The following RGS9 variants were observed in gnomAD, a reference collection of about 807,000 sequenced individuals.
The protein encoded by RGS9 is regulator of G-protein signalling 9.
RGS9 carries 78 observed loss-of-function variants against 102.0 expected under a neutral mutation model. The observed-to-expected ratio is 0.76, with a 90% CI of 0.64 to 0.92. The LOEUF (loss-of-function observed/expected upper bound fraction) is 0.92. Among genes scored for constraint, RGS9 ranks in the 40% least tolerant of loss-of-function variants. The probability of loss-of-function intolerance (pLI) is 0.00; values close to 1 mark genes in which losing one functional copy is unlikely to be tolerated. For missense variants in RGS9, 833 were observed against 866.1 expected (o/e 0.96, Z 0.48); for synonymous variants, 353 against 318.6 (o/e 1.11, Z -1.15).
At chr17:65,189,247 A>G in intron 9 of RGS9, 39 bp from the exon 10 acceptor site, 1 of 1,586,648 alleles carries the variant, frequency 6.3e-7, no homozygotes, top group Non-Finnish European at 8.7e-7. Context: ...TAATGATTTC[A>G]TGACATCTGC....
intron 11 of RGS9, among the ~76,000 whole-genome samples, chr17:65,193,135 G>A (rs1396714051): frequency 6.6e-6 from 1 of 151,110 alleles, no homozygotes; most frequent in African/African-American, 2.4e-5. Context: ...GCCTGGCCTG[G>A]TGGTGCGCGT....
chr17:65,157,730 G>T (rs1910819358), intron 2 of RGS9, among the ~76,000 whole-genome samples: 1 of 152,096 alleles, frequency 6.6e-6, no homozygotes, highest in Non-Finnish European at 1.5e-5. Flanking sequence ...ACAATGTCAT[G>T]GAAGGCCAGG....
At position 65,137,570 on chromosome 17, in the gene RGS9, C is replaced by G. The variant is rs761487170; in HGVS notation, c.30C>G (p.Tyr10Ter). Reference sequence around the variant, plus strand: ...CAATCCGACACCAAGGCCAGCAGTACAGGCCGAGGATGGCATTTCTCCAAA... The same window carrying G: ...CAATCCGACACCAAGGCCAGCAGTAGAGGCCGAGGATGGCATTTCTCCAAA... MTIRHQGQQ[Y>*]RPRMAFLQKI... The change falls in exon 1 of 19, where the codon TAC (tyrosine) becomes TAG (stop). Residue 10 changes from tyrosine (Y) to a stop codon, truncating the protein, a stop_gained. Coordinates refer to ENST00000262406, the MANE Select transcript of RGS9 (RefSeq NM_003835.4). LOFTEE classifies it high-confidence loss of function. The G allele has an allele frequency of 6.2e-7, 1 of 1,613,064 alleles. No homozygotes were observed. The highest frequency in any genetic ancestry group is 1.1e-5 in the South Asian group (1 of 91,044).
At chr17:65,170,215 C>T (rs997611878) in intron 8 of RGS9, among the ~76,000 whole-genome samples, 5 of 152,116 alleles carry the variant, frequency 3.3e-5, no homozygotes, top group Admixed American at 6.5e-5. Flanking sequence ...CCACCATGTC[C>T]GGCTAATTTT....
At position 65,224,607 on chromosome 17, in the gene RGS9, C is replaced by T. The variant is rs552821308; in HGVS notation, c.1408-395C>T. ...TGCCTCCAGACCTGAGGTTGGGGCCCAAGGATGGAGAAGGCAGGGCATGGG... is the reference window on the plus strand; with the variant it reads ...TGCCTCCAGACCTGAGGTTGGGGCCTAAGGATGGAGAAGGCAGGGCATGGG... On this transcript the variant is annotated intron_variant, in intron 17 of 18. Coordinates refer to ENST00000262406, the MANE Select transcript of RGS9 (RefSeq NM_003835.4). 2.0e-5 allele frequency among the ~76,000 whole-genome samples: 3 copies of T among 152,272 alleles called. No homozygotes were observed. In the East Asian group the frequency reaches 5.8e-4, roughly 29 times the overall value.
At position 65,204,257 on chromosome 17, in the gene RGS9, G is replaced by A. The variant is rs577343938; in HGVS notation, c.1159G>A (p.Val387Met). The change falls in exon 15 of 19, where the codon GTG becomes ATG. Residue 387 changes from valine (V) to methionine (M), a missense_variant. Val to Met is a conservative substitution (Grantham distance 21, BLOSUM62 1). Around this residue, in one of 3 missense-constraint regions of RGS9, gnomAD observed 185 missense variants for 248.7 expected, o/e 0.74. Transcript: ENST00000262406. The part of the protein sequence containing the change: ...VKGLKHPHRY[V>M]LDAAQTHIYM... ...GGGGCTGAAGCACCCCCACCGCTAT[G>A]TGCTGGACGCCGCACAAACCCACAT... The A allele has an allele frequency of 2.5e-6, 4 of 1,613,712 alleles. No homozygotes were observed. In the African/African-American group the frequency reaches 4.0e-5, roughly 16 times the overall value.
At chr17:65,191,812 G>C (rs975496730) in intron 11 of RGS9, among the ~76,000 whole-genome samples, 1 of 152,186 alleles carries the variant, frequency 6.6e-6, no homozygotes, top group Admixed American at 6.5e-5. Context: ...ATAAGCCAGG[G>C]GGCTTGAGTT....
intron 17 of RGS9, among the ~76,000 whole-genome samples, chr17:65,223,844 G>A (rs141677811): frequency 0.028 from 4,229 of 151,344 alleles, 205 homozygotes; most frequent in African/African-American, 0.096. Flanking sequence ...TATGCCTCCC[G>A]GGTTCAAGTG....
chr17:65,204,212 A>G lies in RGS9; in HGVS notation c.1114A>G (p.Thr372Ala). Residue 372 changes from threonine to alanine, a missense_variant, in exon 15 of 19, where the codon ACC (threonine) becomes GCC (alanine). Physicochemically the swap from Thr to Ala is moderately conservative, Grantham distance 58. Coordinates refer to ENST00000262406, the MANE Select transcript of RGS9 (RefSeq NM_003835.4). The part of the protein sequence containing the change: ...ARRWINIDGK[T>A]MDITVKGLKH... ...GCGCTGGATCAACATAGATGGCAAAACCATGGACATCACAGTGAAGGGGCT... is the reference window on the plus strand; with the variant it reads ...GCGCTGGATCAACATAGATGGCAAAGCCATGGACATCACAGTGAAGGGGCT... 2 of 1,613,098 alleles carry G rather than the reference A, an allele frequency of 1.2e-6. No individual in the cohort carries two copies. The highest frequency in any genetic ancestry group is 1.7e-6 in the Non-Finnish European group (2 of 1,179,992).
intron 8 of RGS9, among the ~76,000 whole-genome samples, chr17:65,175,129 G>T (rs1911576923): frequency 6.6e-6 from 1 of 151,850 alleles, no homozygotes; most frequent in Non-Finnish European, 1.5e-5. Context: ...ATGTGAGTGT[G>T]TGTGAGTGTG....
rs561326412 is a variant in RGS9 at position 65,214,020 on chromosome 17, G to T, written c.1407+3415G>T. 3.3e-5 allele frequency among the ~76,000 whole-genome samples: 5 copies of T among 152,246 alleles called. No individual in the cohort carries two copies. The South Asian group carries it at 8.3e-4, about 25-fold the overall frequency. On this transcript the variant is annotated intron_variant, in intron 17 of 18. Coordinates refer to ENST00000262406, the MANE Select transcript of RGS9 (RefSeq NM_003835.4). ...TCTGTTGCCCAGGCTGGAGTGCAGT[G>T]GTGCAATCATGGCTCACTGCAGCCT...
In RGS9 at chr17:65,181,302, T is replaced by C. The variant is rs114785822; in HGVS notation, c.654+3499T>C. Among the ~76,000 whole-genome samples the C allele has an allele frequency of 8.9e-3, 1,358 of 152,350 alleles. 19 individuals are homozygous for C. Among genetic ancestry groups the C allele is most frequent in the African/African-American group, 0.031 (1,299 of 41,580 alleles). ...TCCCTTTTCTCCTTGCCAGCATCTGTTATTTTTTGACTTTTTGATAATAGC... is the reference window on the plus strand; with the variant it reads ...TCCCTTTTCTCCTTGCCAGCATCTGCTATTTTTTGACTTTTTGATAATAGC... On this transcript the variant is annotated intron_variant, in intron 9 of 18. Coordinates refer to ENST00000262406, the MANE Select transcript of RGS9 (RefSeq NM_003835.4).
At chr17:65,218,734 G>T (rs1253229721) in intron 17 of RGS9, among the ~76,000 whole-genome samples, 3 of 152,150 alleles carry the variant, frequency 2.0e-5, no homozygotes, top group Non-Finnish European at 4.4e-5. Context: ...TGCCAAGGCT[G>T]GGATCCAGAG....
At chr17:65,164,223 C>T (rs1911090121) in intron 7 of RGS9, among the ~76,000 whole-genome samples, 1 of 152,156 alleles carries the variant, frequency 6.6e-6, no homozygotes, top group Non-Finnish European at 1.5e-5. Context: ...GGGGCCCTGA[C>T]ATGCTTTCCC....
chr17:65,176,450 T>C (rs577263845), intron 8 of RGS9, among the ~76,000 whole-genome samples: 1 of 152,264 alleles, frequency 6.6e-6, no homozygotes, highest in East Asian at 1.9e-4. Context: ...CAAGGAGTGT[T>C]TTCCAAGATC....
Position 65,205,781 on chromosome 17 carries a change from T to G in RGS9, c.1203+1480T>G, listed in dbSNP as rs542762727. Among the ~76,000 whole-genome samples, 12 of 152,026 alleles carry G rather than the reference T, an allele frequency of 7.9e-5. No homozygotes were observed. In the South Asian group the frequency reaches 2.5e-3, roughly 32 times the overall value. Reference sequence around the variant, plus strand: ...GATATACATTATATGATATAGGTTATGTGATATAGATTATGTAATATAGGT... The same window carrying G: ...GATATACATTATATGATATAGGTTAGGTGATATAGATTATGTAATATAGGT... On this transcript the variant is annotated intron_variant, in intron 15 of 18. Transcript: ENST00000262406.
intron 17 of RGS9, among the ~76,000 whole-genome samples, chr17:65,223,807 G>C (rs1200281303): frequency 1.3e-5 from 2 of 150,064 alleles, no homozygotes; most frequent in Non-Finnish European, 1.5e-5. Context: ...CTGGAGTGCA[G>C]TGACGCGATC....
chr17:65,195,352 G>A (rs1912542885), intron 12 of RGS9, among the ~76,000 whole-genome samples: 1 of 152,154 alleles, frequency 6.6e-6, no homozygotes, highest in Non-Finnish European at 1.5e-5. Flanking sequence ...TGTAAGAACC[G>A]TTGATCAGAG....
intron 11 of RGS9, among the ~76,000 whole-genome samples, chr17:65,191,527 A>G (rs1285230124): frequency 2.0e-5 from 3 of 151,992 alleles, no homozygotes; most frequent in Non-Finnish European, 4.4e-5. Flanking sequence ...GTCGGGGCGG[A>G]TCACCTGAGG....
Sources: gnomAD v4.1 joint callset for allele counts (sites outside exome capture counted in the v4.1 genomes callset) on GRCh38, gnomAD v4.1.1 for gene constraint, gnomAD v4.1.1 regional missense constraint, MANE v1.5 for transcripts, NCBI Gene and HGNC (gene_info 2026-07-23, HGNC 2026-07-21) for gene names.